Variants in MAN2A1 observed in about 807,000 individuals in gnomAD.
MAN2A1 encodes alpha-mannosidase 2.
Under a neutral mutation model 142.6 loss-of-function variants are expected in MAN2A1, and 76 were observed. That is an observed-to-expected ratio of 0.53 (90% CI 0.44 to 0.65). MAN2A1 has a LOEUF of 0.65. Ranked by LOEUF, MAN2A1 falls within the 30% of genes least tolerant of loss-of-function variation. MAN2A1 has a pLI of 0.00. For synonymous variants in MAN2A1, 559 were observed against 473.2 expected, an observed-to-expected ratio of 1.18 and a Z score of -2.35; for missense variants, 1,311 against 1,365.1, an observed-to-expected ratio of 0.96 and a Z score of 0.62.
chr5:109,799,486 G>A (rs1753956943), intron 12 of MAN2A1, among the ~76,000 whole-genome samples: 1 of 152,188 alleles, frequency 6.6e-6, no homozygotes, highest in Admixed American at 6.5e-5. Context: ...CAGGCGCAGT[G>A]GCTCATGCCT....
At chr5:109,700,829 A>G (rs1481188866) in intron 1 of MAN2A1, among the ~76,000 whole-genome samples, 3 of 152,198 alleles carry the variant, frequency 2.0e-5, no homozygotes, top group Admixed American at 6.5e-5. Context: ...CTTCCACTGT[A>G]CTATACCCAT....
chr5:109,783,541 A>G (rs1753515571), intron 9 of MAN2A1, among the ~76,000 whole-genome samples: 1 of 152,144 alleles, frequency 6.6e-6, no homozygotes, highest in Non-Finnish European at 1.5e-5. Context: ...TTAAAAGTGG[A>G]GATTGTTTAC....
chr5:109,765,215 G>T (rs975167604), intron 5 of MAN2A1, among the ~76,000 whole-genome samples: 1 of 152,074 alleles, frequency 6.6e-6, no homozygotes, highest in South Asian at 2.1e-4. Context: ...GCATTTAGTT[G>T]TCATGTCTCT....
At chr5:109,785,460 T>A (rs1753573175) in intron 10 of MAN2A1, among the ~76,000 whole-genome samples, 1 of 151,906 alleles carries the variant, frequency 6.6e-6, no homozygotes, top group Non-Finnish European at 1.5e-5. Flanking sequence ...CCATTGGGAA[T>A]GAGAAAGGAT....
chr5:109,796,460 T>G (rs1401226367), intron 12 of MAN2A1, among the ~76,000 whole-genome samples: 4 of 152,236 alleles, frequency 2.6e-5, no homozygotes, highest in Admixed American at 1.3e-4. Context: ...CAGCTCAACT[T>G]TAACTCTTTC....
intron 4 of MAN2A1, 113 bp downstream of exon 4, chr5:109,729,626 A>C: frequency 1.7e-6 from 1 of 583,780 alleles, no homozygotes; most frequent in Non-Finnish European, 2.8e-6. Flanking sequence ...TGAAACTTAA[A>C]ATATTTCTTC....
chr5:109,838,940 G>A (rs762000709), intron 16 of MAN2A1, among the ~76,000 whole-genome samples: 1 of 152,140 alleles, frequency 6.6e-6, no homozygotes, highest in African/African-American at 2.4e-5. Flanking sequence ...TTTCCTTGAA[G>A]CATGTTCTTT....
chr5:109,696,175 A>G (rs1191230201), intron 1 of MAN2A1, among the ~76,000 whole-genome samples: 1 of 151,786 alleles, frequency 6.6e-6, no homozygotes. Flanking sequence ...ATCTCAGCTC[A>G]CTGCAATCTC....
intron 4 of MAN2A1, among the ~76,000 whole-genome samples, chr5:109,739,678 G>T (rs1286103583): frequency 6.6e-6 from 1 of 152,126 alleles, no homozygotes. Context: ...CCCAAAACAT[G>T]GTGTAACTTG....
At chr5:109,823,665 T>C in intron 15 of MAN2A1, 58 bp from the exon 16 acceptor site, 3 of 859,540 alleles carry the variant, frequency 3.5e-6, no homozygotes, top group East Asian at 2.6e-5. Flanking sequence ...AATAAACATA[T>C]TCTTTTAAAA....
At chr5:109,746,261 C>T (rs779680715) in intron 4 of MAN2A1, among the ~76,000 whole-genome samples, 2 of 152,198 alleles carry the variant, frequency 1.3e-5, no homozygotes, top group Non-Finnish European at 2.9e-5. Context: ...AGATGTGAAC[C>T]ACCGCGTCTG....
At chr5:109,710,428 C>T (rs1381527686) in intron 1 of MAN2A1, among the ~76,000 whole-genome samples, 2 of 151,892 alleles carry the variant, frequency 1.3e-5, no homozygotes, top group South Asian at 2.1e-4. Context: ...CCTCAAAGTA[C>T]AGAAAGATCT....
chr5:109,813,587 G>T (rs1754375445), intron 12 of MAN2A1, among the ~76,000 whole-genome samples: 1 of 152,214 alleles, frequency 6.6e-6, no homozygotes. Context: ...CTGAATGAAG[G>T]TCCCTCTGAC....
chr5:109,848,542 G>A (rs1036330232), intron 19 of MAN2A1, among the ~76,000 whole-genome samples: 1 of 152,126 alleles, frequency 6.6e-6, no homozygotes, highest in Non-Finnish European at 1.5e-5. Context: ...CTCTGTTCCA[G>A]TTATCTAACA....
At chr5:109,831,472 A>C (rs1263772780) in intron 16 of MAN2A1, among the ~76,000 whole-genome samples, 2 of 152,248 alleles carry the variant, frequency 1.3e-5, no homozygotes, top group Admixed American at 6.5e-5. Flanking sequence ...GAACCCCACT[A>C]TAAGGATTTG....
chr5:109,710,918 G>T (rs548033211), intron 1 of MAN2A1, among the ~76,000 whole-genome samples: 1 of 152,224 alleles, frequency 6.6e-6, no homozygotes, highest in East Asian at 1.9e-4. Flanking sequence ...TCAAACTCCC[G>T]AACTCAGGTG....
intron 20 of MAN2A1, chr5:109,862,780 A>T (rs1195066853): frequency 6.6e-6 from 1 of 152,204 alleles, no homozygotes; most frequent in East Asian, 1.9e-4. Flanking sequence ...TTGAAAACTG[A>T]TACTTTCATG....
At chr5:109,863,310 T>C (rs1580326260) in intron 20 of MAN2A1, 1 of 152,260 alleles carries the variant, frequency 6.6e-6, no homozygotes, top group Admixed American at 6.5e-5. Context: ...AAATTTATGC[T>C]AAGGGCTTCC....
intron 12 of MAN2A1, among the ~76,000 whole-genome samples, chr5:109,790,489 A>G (rs545742734): frequency 6.6e-6 from 1 of 151,974 alleles, no homozygotes; most frequent in African/African-American, 2.4e-5. Context: ...TTATTTTAGT[A>G]ATACTAATGT....
Sources: allele counts gnomAD v4.1 joint callset (sites outside exome capture counted in the v4.1 genomes callset), GRCh38; gene constraint gnomAD v4.1.1; transcripts MANE v1.5; gene names NCBI Gene and HGNC (gene_info 2026-07-23, HGNC 2026-07-21).